Variants in PCDH12 observed in about 807,000 individuals in gnomAD.
PCDH12 encodes the protein protocadherin 12.
A neutral mutation model predicts 70.9 loss-of-function variants in PCDH12; 45 were observed. The ratio of observed to expected loss-of-function variants is 0.63; its 90% CI spans 0.50 to 0.81. The LOEUF (loss-of-function observed/expected upper bound fraction) is 0.81. Ranked by LOEUF, PCDH12 falls within the 40% of genes least tolerant of loss-of-function variation. The pLI, the probability that PCDH12 is intolerant of heterozygous loss-of-function variation, is 0.00. For missense variants in PCDH12, 1,370 were observed against 1,491.7 expected (o/e 0.92, Z 1.34); for synonymous variants, 567 against 626.0 (o/e 0.91, Z 1.41).
At chr5:141,951,414 C>A in intron 2 of PCDH12, 79 bp downstream of exon 2, 1 of 1,055,760 alleles carries the variant, frequency 9.5e-7, no homozygotes, top group South Asian at 1.3e-5. Context: ...GCTCACCCTT[C>A]CTCACTCACA....
In PCDH12 at chr5:141,956,356, A is replaced by G; in HGVS notation, c.1496T>C (p.Ile499Thr). 6.2e-7 allele frequency: 1 copy of G among 1,614,216 alleles called. No homozygotes were observed. Reference sequence around the variant, plus strand: ...TAAGTGAGCAACTGGGGAGTCCTGGATGCGGTATGAGACTTTTCCATTAAT... The same window carrying G: ...TAAGTGAGCAACTGGGGAGTCCTGGGTGCGGTATGAGACTTTTCCATTAAT... Reference protein sequence around the residue: ...LGINGKVSYRIQDSPVAHLVA... With the variant: ...LGINGKVSYRTQDSPVAHLVA... Residue 499 changes from isoleucine (I) to threonine (T), a missense_variant, in exon 1 of 4, where the codon ATC becomes ACC. Ile to Thr is a moderately conservative substitution (Grantham distance 89, BLOSUM62 -1). Transcript: ENST00000231484.
Position 141,956,688 on chromosome 5 carries a change from C to G in PCDH12, c.1164G>C (p.Leu388Phe), listed in dbSNP as rs561107733. ...GCTCTTGGCTCAGCCAGCAGTGGAC[C>G]AAACCATTGTGTCCTGAATCCAAGT... ...ADDLDSGHNGLVHCWLSQELG... is the reference protein window; with the variant it reads ...ADDLDSGHNGFVHCWLSQELG... Residue 388 changes from leucine to phenylalanine, a missense_variant, in exon 1 of 4, where the codon TTG (leucine) becomes TTC (phenylalanine). Transcript: ENST00000231484. 3.7e-6 allele frequency: 6 copies of G among 1,614,228 alleles called. No homozygotes were observed. Among genetic ancestry groups the G allele is most frequent in the East Asian group, 2.2e-5 (1 of 44,888 alleles).
rs1460132471 is a variant in PCDH12, at chr5:141,956,854, G to A, written c.998C>T (p.Pro333Leu). The change falls in exon 1 of 4, where the codon CCA becomes CTA. Residue 333 changes from proline to leucine, a missense_variant. Physicochemically the swap from Pro to Leu is moderately conservative, Grantham distance 98. Coordinates refer to ENST00000231484, the MANE Select transcript of PCDH12 (RefSeq NM_016580.4). ...CTTGATGAGAACTTTGCAATGGGCT[G>A]GGATAGGATTGGGACCCAGGTCCCT... The part of the protein sequence containing the change: ...QARDLGPNPI[P>L]AHCKVLIKVL... 4 of 1,614,122 alleles carry A rather than the reference G, an allele frequency of 2.5e-6. No homozygotes were observed. The highest frequency in any genetic ancestry group is 2.2e-5 in the East Asian group (1 of 44,900).
At chr5:141,949,778 A>T (rs140418217) in intron 2 of PCDH12, among the ~76,000 whole-genome samples, 195 bp from the exon 3 acceptor site, 1 of 144,940 alleles carries the variant, frequency 6.9e-6, no homozygotes, top group Non-Finnish European at 1.5e-5. Context: ...AAATGAGAGT[A>T]ATAAATAACA....
Position 141,955,008 on chromosome 5 carries a change from G to C in PCDH12, c.2844C>G (p.Pro948=). 6.2e-7 allele frequency: 1 copy of C among 1,614,054 alleles called. No homozygotes were observed. Residue 948 remains proline (P), a synonymous_variant, in exon 1 of 4, where the codon CCC becomes CCG. Coordinates refer to ENST00000231484, the MANE Select transcript of PCDH12 (RefSeq NM_016580.4). The surrounding 1 kb of genome is among the most constrained non-coding windows in gnomAD (Gnocchi z 5.5). ...LSVAAFAERN[P]VEELTVDSPP... is the part of the protein sequence containing the mutation. ...GAGAATCCACAGTGAGCTCCTCCAC[G>C]GGGTTCCGCTCGGCGAAGGCAGCCA...
intron 2 of PCDH12, 92 bp downstream of exon 2, chr5:141,951,401 T>A: frequency 2.1e-6 from 2 of 947,046 alleles, no homozygotes; most frequent in Non-Finnish European, 3.4e-6. Flanking sequence ...GTGTCTGACT[T>A]GTGCTCACCC....
At position 141,955,322 on chromosome 5, in the gene PCDH12, C is replaced by G. The variant is rs777580158; in HGVS notation, c.2530G>C (p.Asp844His). The stretch of plus-strand genomic sequence containing the variant: ...TGGTTGAAAAGGAGGTTGACCGTGT[C>G]TTGCAGCACCTCTCGGCTCTCCGCC... ...APAESREVLQ[D>H]TVNLLFNHPR... Residue 844 changes from aspartate to histidine, a missense_variant, in exon 1 of 4, where the codon GAC (aspartate) becomes CAC (histidine). Physicochemically the swap from Asp to His is moderately conservative, Grantham distance 81. Transcript: ENST00000231484. The surrounding 1 kb of genome is among the most constrained non-coding windows in gnomAD (Gnocchi z 5.5). The G allele has an allele frequency of 6.2e-7, 1 of 1,614,204 alleles. No homozygotes were observed. The highest frequency in any genetic ancestry group is 1.7e-5 in the Admixed American group (1 of 60,026).
intron 3 of PCDH12, among the ~76,000 whole-genome samples, chr5:141,946,108 C>T (rs1431474015): frequency 2.6e-5 from 4 of 152,126 alleles, no homozygotes; most frequent in South Asian, 2.1e-4. Flanking sequence ...CGTGTGTTTC[C>T]AGTCTCAGTG....
At chr5:141,948,302 C>T (rs1752991905) in intron 3 of PCDH12, among the ~76,000 whole-genome samples, 1 of 152,084 alleles carries the variant, frequency 6.6e-6, no homozygotes. Flanking sequence ...AGAAAGTGCC[C>T]AATAAACATT....
At position 141,956,397 on chromosome 5, in the gene PCDH12, A is replaced by G; in HGVS notation, c.1455T>C (p.His485=). 6.2e-7 allele frequency: 1 copy of G among 1,614,250 alleles called. No homozygotes were observed. Among genetic ancestry groups the G allele is most frequent in the Non-Finnish European group, 8.5e-7 (1 of 1,180,048 alleles). ...TTCCATTAATGCCCAAGTCTGCATC[A>G]TGAGCCTTGATGGTAATGAGGTGAA... ...PSLHLITIKA[H]DADLGINGKV... Residue 485 remains histidine (H), a synonymous_variant, in exon 1 of 4, where the codon CAT becomes CAC. Coordinates refer to ENST00000231484, the MANE Select transcript of PCDH12 (RefSeq NM_016580.4).
In PCDH12 at chr5:141,955,138, GCTGGTGGC is replaced by G. The variant is rs1753155611; in HGVS notation, c.2706_2713del (p.Arg902SerfsTer19). 1.2e-6 allele frequency: 2 copies of G among 1,614,232 alleles called. No homozygotes were observed. The highest frequency in any genetic ancestry group is 1.7e-6 in the Non-Finnish European group (2 of 1,180,034). On this transcript the variant is annotated frameshift_variant, in exon 1 of 4. Transcript: ENST00000231484. LOFTEE classifies it high-confidence loss of function. This position sits in a 1 kb window ranked among gnomAD's most constrained non-coding sequence, Gnocchi z 5.5. ...CTGCCGTCTCAGGGTTGCAGAGGAG[GCTGGTGGC>G]CTCTGTGGGGCTTCCTCACTGCCCT...
Position 141,952,590 on chromosome 5 carries a change from A to G in PCDH12, c.2881-1000T>C, listed in dbSNP as rs150388652. The G allele has an allele frequency of 1.7e-3, 263 of 152,414 alleles. 1 individual carries two copies. Among genetic ancestry groups the G allele is most frequent in the Admixed American group, 2.7e-3 (42 of 15,306 alleles). The allele number at this position is 152,414 out of a possible 1,614,324, so 9.4% of individuals were successfully genotyped here. ...GGGTGAGATATCACGGCCAGACCCTATAGGCCATTGGAAGGGAGAGGCAAC... is the reference window on the plus strand; with the variant it reads ...GGGTGAGATATCACGGCCAGACCCTGTAGGCCATTGGAAGGGAGAGGCAAC... On this transcript the variant is annotated intron_variant, in intron 1 of 3. Coordinates refer to ENST00000231484, the MANE Select transcript of PCDH12 (RefSeq NM_016580.4).
chr5:141,945,368 G>C lies in PCDH12; in HGVS notation c.*13C>G, dbSNP rs372246406. ...GCCCCTGGTTCTTGGATCCAGAGGCGTCTGAGGTATGTTCACAGGCACCTG... is the reference window on the plus strand; with the variant it reads ...GCCCCTGGTTCTTGGATCCAGAGGCCTCTGAGGTATGTTCACAGGCACCTG... On this transcript the variant is annotated 3_prime_UTR_variant, in exon 4 of 4. Transcript: ENST00000231484. The C allele has an allele frequency of 1.9e-6, 3 of 1,596,986 alleles. No individual in the cohort carries two copies. Among genetic ancestry groups the C allele is most frequent in the Non-Finnish European group, 2.6e-6 (3 of 1,172,088 alleles).
At chr5:141,945,841 C>T in intron 3 of PCDH12, 36 bp from the exon 4 acceptor site, 1 of 1,588,136 alleles carries the variant, frequency 6.3e-7, no homozygotes, top group Non-Finnish European at 8.6e-7. Context: ...GAGGGCCAGG[C>T]TCCGGGAAGG....
At position 141,957,221 on chromosome 5, in the gene PCDH12, C is replaced by G; in HGVS notation, c.631G>C (p.Asp211His). The G allele has an allele frequency of 5.0e-6, 8 of 1,614,002 alleles. No homozygotes were observed. The highest frequency in any genetic ancestry group is 6.8e-6 in the Non-Finnish European group (8 of 1,179,994). Reference protein sequence around the residue: ...ELDREIHSFFDLVLTAYDNGN... With the variant: ...ELDREIHSFFHLVLTAYDNGN... The stretch of plus-strand genomic sequence containing the variant: ...TTGTCATAGGCAGTTAACACCAGAT[C>G]AAAAAATGAATGGATTTCCCTGTCC... Residue 211 changes from aspartate to histidine, a missense_variant, in exon 1 of 4, where the codon GAT becomes CAT. Physicochemically the swap from Asp to His is moderately conservative, Grantham distance 81 (BLOSUM62 -1). Coordinates refer to ENST00000231484, the MANE Select transcript of PCDH12 (RefSeq NM_016580.4). The surrounding 1 kb of genome is among the most constrained non-coding windows in gnomAD (Gnocchi z 4.3).
rs201826901 is a variant in PCDH12 at position 141,955,822 on chromosome 5, A to G, written c.2030T>C (p.Val677Ala). Residue 677 changes from valine to alanine, a missense_variant, in exon 1 of 4, where the codon GTA becomes GCA. By Grantham distance (64) the Val-to-Ala change is moderately conservative. Coordinates refer to ENST00000231484, the MANE Select transcript of PCDH12 (RefSeq NM_016580.4). This position sits in a 1 kb window ranked among gnomAD's most constrained non-coding sequence, Gnocchi z 5.5. ...IGSEWELEIVVEDQGSPPLQT... is the reference protein window; with the variant it reads ...IGSEWELEIVAEDQGSPPLQT... Reference sequence around the variant, plus strand: ...TAAGGGGGGGCTTCCCTGGTCCTCTACTACTATCTCCAGCTCCCACTCACT... The same window carrying G: ...TAAGGGGGGGCTTCCCTGGTCCTCTGCTACTATCTCCAGCTCCCACTCACT... 9.2e-5 allele frequency: 148 copies of G among 1,613,882 alleles called. No individual in the cohort carries two copies. In the African/African-American group the frequency reaches 1.7e-3, roughly 19 times the overall value.
chr5:141,957,678 C>T lies in PCDH12; in HGVS notation c.174G>A (p.Arg58=), dbSNP rs774430260. The change falls in exon 1 of 4, where the codon AGG becomes AGA. Residue 58 remains arginine (R), a synonymous_variant. Coordinates refer to ENST00000231484, the MANE Select transcript of PCDH12 (RefSeq NM_016580.4). The surrounding 1 kb of genome is among the most constrained non-coding windows in gnomAD (Gnocchi z 4.3). ...GGAAGGCAGCCCCAGCTTGCCTCCG[C>T]CTCTCCTCCCGGCCCAGTTCCTGGG... The part of the protein sequence containing the change: ...KLSQELGREE[R]RRQAGAAFQV... 7.9e-5 allele frequency: 127 copies of T among 1,614,192 alleles called. No individual in the cohort carries two copies. The Middle Eastern group carries it at 1.2e-3, about 15-fold the overall frequency.
At chr5:141,954,593 C>T (rs902529232) in intron 1 of PCDH12, among the ~76,000 whole-genome samples, 1 of 152,164 alleles carries the variant, frequency 6.6e-6, no homozygotes, top group African/African-American at 2.4e-5. Flanking sequence ...GATTTGAACC[C>T]AGGTAACCTT....
chr5:141,948,259 C>G (rs1229019185), intron 3 of PCDH12, among the ~76,000 whole-genome samples: 1 of 152,194 alleles, frequency 6.6e-6, no homozygotes, highest in African/African-American at 2.4e-5. Context: ...ATAAGATTTT[C>G]TCATGAGGTA....
Sources: gnomAD v4.1 joint callset for allele counts (sites outside exome capture counted in the v4.1 genomes callset) on GRCh38, gnomAD v4.1.1 for gene constraint, Gnocchi (gnomAD v3.1) non-coding constraint, MANE v1.5 for transcripts, NCBI Gene and HGNC (gene_info 2026-07-23, HGNC 2026-07-21) for gene names.